Variants in CORO7 observed in about 807,000 individuals in gnomAD.
The protein encoded by CORO7 is coronin-7.
In CORO7, 107 loss-of-function variants were observed where a neutral mutation model predicts 126.6. That is an observed-to-expected ratio of 0.85 (90% CI 0.72 to 0.99). The LOEUF is 0.99. Ranked by LOEUF, CORO7 falls within the 50% of genes least tolerant of loss-of-function variation. CORO7 has a pLI of 0.00. For synonymous variants in CORO7, 603 were observed against 536.8 expected, an observed-to-expected ratio of 1.12 and a Z score of -1.70; for missense variants, 1,314 against 1,255.8, an observed-to-expected ratio of 1.05 and a Z score of -0.70.
rs1381854293 is a variant in CORO7 at position 4,365,556 on chromosome 16, G to A, written c.786-11C>T. The A allele has an allele frequency of 6.3e-7, 1 of 1,575,896 alleles. No homozygotes were observed. The highest frequency in any genetic ancestry group is 8.6e-7 in the Non-Finnish European group (1 of 1,160,896). ...AGAGGCACGAGACACCTGGGGAAGA[G>A]AGGGCAAGATGGCGGGTCAGGGCAG... On this transcript the variant is annotated splice_polypyrimidine_tract_variant and intron_variant, in intron 9 of 27. Transcript: ENST00000251166.
rs371313319 is a variant in CORO7, at chr16:4,408,279, C to T, written c.233-28G>A. On this transcript the variant is annotated intron_variant, in intron 3 of 27. Transcript: ENST00000251166. The stretch of plus-strand genomic sequence containing the variant: ...GTGGGAGAGGAATGGCTGAACCCAC[C>T]GGAATGTCCTGTTTCCAACCCAGTA... 906 of 1,613,990 alleles carry T rather than the reference C, an allele frequency of 5.6e-4. 3 individuals are homozygous for T. The highest frequency in any genetic ancestry group is 2.7e-4 in the Non-Finnish European group (316 of 1,179,966).
intron 10 of CORO7, 61 bp downstream of exon 10, chr16:4,365,430 G>A: frequency 6.5e-7 from 1 of 1,548,286 alleles, no homozygotes; most frequent in Non-Finnish European, 8.7e-7. Flanking sequence ...CTCTCTTGGG[G>A]AAGGCCAGGG....
At chr16:4,407,869 G>A (rs1241884574) in intron 4 of CORO7, among the ~76,000 whole-genome samples, 185 bp from the exon 5 acceptor site, 2 of 152,186 alleles carry the variant, frequency 1.3e-5, no homozygotes, top group African/African-American at 4.8e-5. Flanking sequence ...CCCCACATCC[G>A]AGAAAGGAGG....
chr16:4,403,242 G>A (rs2055878073), intron 6 of CORO7, among the ~76,000 whole-genome samples: 1 of 152,152 alleles, frequency 6.6e-6, no homozygotes, highest in Non-Finnish European at 1.5e-5. Context: ...GGGCATCACT[G>A]GCTGCCCTAC....
At position 4,358,032 on chromosome 16, in the gene CORO7, G is replaced by C. The variant is rs1175436318; in HGVS notation, c.2529C>G (p.Ala843=). Residue 843 remains alanine (A), a synonymous_variant, in exon 25 of 28, where the codon GCC becomes GCG. Transcript: ENST00000251166. ...VIWEPVLSAE[A]WLQGANGQPW... ...GCTGCCCATTAGCGCCTTGCAGCCA[G>C]GCCTCGGCACTGAGCACAGGCTCCC... 2.5e-6 allele frequency: 4 copies of C among 1,613,300 alleles called. No homozygotes were observed. The African/African-American group carries it at 4.0e-5, about 16-fold the overall frequency.
At chr16:4,408,069 G>T in intron 4 of CORO7, 112 bp downstream of exon 4, 1 of 1,484,768 alleles carries the variant, frequency 6.7e-7, no homozygotes, top group Non-Finnish European at 9.3e-7. Flanking sequence ...TGGGGAGTGG[G>T]GTGGGGCTGG....
intron 7 of CORO7, among the ~76,000 whole-genome samples, chr16:4,392,548 G>T (rs2055431725): frequency 6.6e-6 from 1 of 152,214 alleles, no homozygotes; most frequent in Non-Finnish European, 1.5e-5. Flanking sequence ...CCCACTCTGG[G>T]CTCCGGGATA....
intron 4 of CORO7, 64 bp from the exon 5 acceptor site, chr16:4,407,748 G>C: frequency 6.8e-7 from 1 of 1,480,882 alleles, no homozygotes; most frequent in Non-Finnish European, 9.0e-7. Context: ...GTCAGCTGCC[G>C]TGACCCCAGT....
At chr16:4,394,102 C>T (rs1258807863) in intron 7 of CORO7, among the ~76,000 whole-genome samples, 1 of 151,506 alleles carries the variant, frequency 6.6e-6, no homozygotes, top group Non-Finnish European at 1.5e-5. Context: ...CTCCATCTCC[C>T]CACCCAAAAA....
intron 9 of CORO7, chr16:4,387,711 A>G (rs1178334570): frequency 1.8e-6 from 1 of 552,080 alleles, no homozygotes; most frequent in African/African-American, 1.9e-5. Flanking sequence ...TGCCAAGCAT[A>G]CCTGTGTCAA....
intron 9 of CORO7, among the ~76,000 whole-genome samples, chr16:4,380,630 C>T (rs188853971): frequency 1.9e-3 from 291 of 152,158 alleles, no homozygotes; most frequent in African/African-American, 6.0e-3. Context: ...GGTCACTGCA[C>T]GTTCAGTGGA....
chr16:4,394,549 C>T (rs902784447), intron 7 of CORO7, among the ~76,000 whole-genome samples: 3 of 152,246 alleles, frequency 2.0e-5, no homozygotes, highest in South Asian at 2.1e-4. Context: ...CAGACAAGCC[C>T]GTCCTCCTTC....
Position 4,388,074 on chromosome 16 carries a change from G to C in CORO7, c.703-6C>G. 1 of 1,610,462 alleles carries C rather than the reference G, an allele frequency of 6.2e-7. No individual in the cohort carries two copies. The highest frequency in any genetic ancestry group is 8.5e-7 in the Non-Finnish European group (1 of 1,178,796). ...TTCACTTCGCGCTCACGCATCTGCAGGGAGGGCGAGAGAGGGGCTCAGAGG... is the reference window on the plus strand; with the variant it reads ...TTCACTTCGCGCTCACGCATCTGCACGGAGGGCGAGAGAGGGGCTCAGAGG... On this transcript the variant is annotated splice_region_variant and splice_polypyrimidine_tract_variant and intron_variant, in intron 8 of 27. Coordinates refer to ENST00000251166, the MANE Select transcript of CORO7 (RefSeq NM_024535.5).
chr16:4,364,103 T>C (rs185591987), intron 14 of CORO7, among the ~76,000 whole-genome samples, 173 bp downstream of exon 14: 56 of 152,200 alleles, frequency 3.7e-4, no homozygotes, highest in African/African-American at 1.3e-3. Context: ...GGAGAATCGC[T>C]TGAACCTAGG....
At chr16:4,412,687 A>C in intron 2 of CORO7, 1 of 515,576 alleles carries the variant, frequency 1.9e-6, no homozygotes, top group East Asian at 3.2e-5. Flanking sequence ...GGTCATACGA[A>C]AGGGGCGTGG....
intron 16 of CORO7, 63 bp from the exon 17 acceptor site, chr16:4,361,532 G>A: frequency 1.9e-6 from 3 of 1,569,012 alleles, no homozygotes; most frequent in East Asian, 2.3e-5. Flanking sequence ...GTCCCCAGGG[G>A]CTGCGGGCAA....
chr16:4,377,929 G>A lies in CORO7; in HGVS notation c.785+10057C>T, dbSNP rs60848855. Among the ~76,000 whole-genome samples, 261 of 152,278 alleles carry A rather than the reference G, an allele frequency of 1.7e-3. 2 individuals carry two copies. The highest frequency in any genetic ancestry group is 5.5e-3 in the African/African-American group (230 of 41,544). ...AGACCCCTGTCCTGCTAACAGGAAC[G>A]CACATTCCACAGCTCACTACCTGTC... On this transcript the variant is annotated intron_variant, in intron 9 of 27. Coordinates refer to ENST00000251166, the MANE Select transcript of CORO7 (RefSeq NM_024535.5).
At position 4,358,051 on chromosome 16, in the gene CORO7, G is replaced by A; in HGVS notation, c.2510C>T (p.Pro837Leu). ...CAGCCAGGCCTCGGCACTGAGCACA[G>A]GCTCCCAGATCACAGCCGTGTCTGG... Reference protein sequence around the residue: ...VFPDTAVIWEPVLSAEAWLQG... With the variant: ...VFPDTAVIWELVLSAEAWLQG... The change falls in exon 25 of 28, where the codon CCT becomes CTT. Residue 837 changes from proline to leucine, a missense_variant. Transcript: ENST00000251166. The A allele has an allele frequency of 6.2e-7, 1 of 1,613,420 alleles. No homozygotes were observed.
At chr16:4,361,945 AG>A in intron 16 of CORO7, 39 bp downstream of exon 16, 1 of 1,569,806 alleles carries the variant, frequency 6.4e-7, no homozygotes, top group Non-Finnish European at 8.6e-7. Flanking sequence ...TGCCACAGGC[AG>A]GGAACTGAGG....
Sources: allele counts gnomAD v4.1 joint callset (sites outside exome capture counted in the v4.1 genomes callset), GRCh38; gene constraint gnomAD v4.1.1; transcripts MANE v1.5; gene names NCBI Gene and HGNC (gene_info 2026-07-23, HGNC 2026-07-21).